ATXN10: variants seen among roughly 807,000 people sequenced by gnomAD.
ATXN10 encodes ataxin 10.
A neutral mutation model predicts 52.9 loss-of-function variants in ATXN10; 28 were observed. That is an observed-to-expected ratio of 0.53 (90% CI 0.39 to 0.73). The LOEUF is 0.73. Among genes scored for constraint, ATXN10 ranks in the 30% least tolerant of loss-of-function variants. The probability of loss-of-function intolerance (pLI) is 0.00; values close to 1 mark genes in which losing one functional copy is unlikely to be tolerated. For synonymous variants in ATXN10, 226 were observed against 221.5 expected (o/e 1.02, Z -0.18); for missense variants, 565 against 577.0 (o/e 0.98, Z 0.21).
chr22:45,716,295 TAGAGG>T (rs1924441721), intron 5 of ATXN10, among the ~76,000 whole-genome samples: 1 of 150,188 alleles, frequency 6.7e-6, no homozygotes, highest in South Asian at 2.1e-4. Flanking sequence ...AAGCGGCGCT[TAGAGG>T]AGAGCTTATT....
intron 9 of ATXN10, among the ~76,000 whole-genome samples, chr22:45,800,097 A>G (rs1176145967): frequency 6.6e-6 from 1 of 152,264 alleles, no homozygotes; most frequent in Non-Finnish European, 1.5e-5. Context: ...AATATAAAAA[A>G]TACCATGAAA....
At chr22:45,771,024 G>T (rs1452417669) in intron 9 of ATXN10, among the ~76,000 whole-genome samples, 2 of 152,164 alleles carry the variant, frequency 1.3e-5, no homozygotes, top group African/African-American at 2.4e-5. Flanking sequence ...AAATGGTACA[G>T]CCACTACACC....
In ATXN10 at chr22:45,712,890, G is replaced by A. The variant is rs1924304564; in HGVS notation, c.648-5523G>A. On this transcript the variant is annotated intron_variant, in intron 5 of 11. Transcript: ENST00000252934. This position sits in a 1 kb window ranked among gnomAD's most constrained non-coding sequence, Gnocchi z 4.6. Reference sequence around the variant, plus strand: ...AAATTGCTGTGTTAAGCAACTGTGGGTTAGATTTCCCAGATCTCACAACAA... The same window carrying A: ...AAATTGCTGTGTTAAGCAACTGTGGATTAGATTTCCCAGATCTCACAACAA... Among the ~76,000 whole-genome samples, 1 of 152,154 alleles carries A rather than the reference G, an allele frequency of 6.6e-6. No individual in the cohort carries two copies. The highest frequency in any genetic ancestry group is 2.4e-5 in the African/African-American group (1 of 41,432).
chr22:45,799,913 A>G (rs1175220636), intron 9 of ATXN10, among the ~76,000 whole-genome samples: 2 of 152,168 alleles, frequency 1.3e-5, no homozygotes, highest in South Asian at 2.1e-4. Flanking sequence ...GAAAAGATAT[A>G]TTTTTCAACA....
At chr22:45,734,347 T>A (rs1267207156) in intron 7 of ATXN10, 1 of 231,104 alleles carries the variant, frequency 4.3e-6, no homozygotes, top group Non-Finnish European at 9.4e-6. Context: ...ATTAGGTTAC[T>A]CTTTAAAATG....
chr22:45,750,169 C>T lies in ATXN10; in HGVS notation c.1173+9631C>T, dbSNP rs933190043. On this transcript the variant is annotated intron_variant, in intron 9 of 11. Coordinates refer to ENST00000252934, the MANE Select transcript of ATXN10 (RefSeq NM_013236.4). The surrounding 1 kb of genome is among the most constrained non-coding windows in gnomAD (Gnocchi z 4.2). Reference sequence around the variant, plus strand: ...CCAGGCTGGAGTGCAGTGGTGTGATCACAGCTCACCGCAGTTCTGTGCTCA... The same window carrying T: ...CCAGGCTGGAGTGCAGTGGTGTGATTACAGCTCACCGCAGTTCTGTGCTCA... Among the ~76,000 whole-genome samples the T allele has an allele frequency of 2.6e-5, 4 of 152,054 alleles. No individual in the cohort carries two copies. The highest frequency in any genetic ancestry group is 9.7e-5 in the African/African-American group (4 of 41,388).
chr22:45,807,994 T>A (rs1356799005), intron 10 of ATXN10, among the ~76,000 whole-genome samples: 1 of 152,234 alleles, frequency 6.6e-6, no homozygotes, highest in African/African-American at 2.4e-5. Context: ...GAGCGATGCT[T>A]ATTATTTGTG....
At position 45,693,629 on chromosome 22, in the gene ATXN10, C is replaced by T. The variant is rs1448968258; in HGVS notation, c.391+551C>T. Among the ~76,000 whole-genome samples, 6 of 152,240 alleles carry T rather than the reference C, an allele frequency of 3.9e-5. No homozygotes were observed. In the South Asian group the frequency reaches 8.3e-4, roughly 21 times the overall value. The stretch of plus-strand genomic sequence containing the variant: ...GGATTAGATTTCAGCATAGGAATTT[C>T]GGAGGGGCACAGATATTCAGATCAT... On this transcript the variant is annotated intron_variant, in intron 3 of 11. Coordinates refer to ENST00000252934, the MANE Select transcript of ATXN10 (RefSeq NM_013236.4).
rs988315099 is a variant in ATXN10 at position 45,823,450 on chromosome 22, G to A, written c.1237+16428G>A. On this transcript the variant is annotated intron_variant, in intron 10 of 11. Transcript: ENST00000252934. The surrounding 1 kb of genome is among the most constrained non-coding windows in gnomAD (Gnocchi z 4.9). ...TCTGTCTTTTTTTAATTTCCCCTGC[G>A]ATTATGCAGTTGTTTCCGTTTCAGT... is the stretch of plus-strand genomic sequence containing the variant. Among the ~76,000 whole-genome samples the A allele has an allele frequency of 3.3e-5, 5 of 151,926 alleles. No homozygotes were observed. Among genetic ancestry groups the A allele is most frequent in the African/African-American group, 1.2e-4 (5 of 41,342 alleles).
intron 10 of ATXN10, among the ~76,000 whole-genome samples, chr22:45,822,236 G>C (rs1928672754): frequency 6.6e-6 from 1 of 152,086 alleles, no homozygotes; most frequent in Non-Finnish European, 1.5e-5. Context: ...TCCACTTTGG[G>C]GCTATTACAG....
chr22:45,807,974 T>C lies in ATXN10; in HGVS notation c.1237+952T>C, dbSNP rs145107759. Among the ~76,000 whole-genome samples, 453 of 152,326 alleles carry C rather than the reference T, an allele frequency of 3.0e-3. 3 individuals are homozygous for C. The highest frequency in any genetic ancestry group is 0.01 in the African/African-American group (430 of 41,574). Reference sequence around the variant, plus strand: ...CTGATGAAAATCATGTGTTTCAAAGTAAGTAGACTGAGCGATGCTTATTAT... The same window carrying C: ...CTGATGAAAATCATGTGTTTCAAAGCAAGTAGACTGAGCGATGCTTATTAT... On this transcript the variant is annotated intron_variant, in intron 10 of 11. Transcript: ENST00000252934.
intron 6 of ATXN10, among the ~76,000 whole-genome samples, chr22:45,725,726 C>T (rs1331406360): frequency 6.6e-6 from 1 of 152,106 alleles, no homozygotes; most frequent in Non-Finnish European, 1.5e-5. Flanking sequence ...TGAAAGTGGA[C>T]ATCCTTGTCT....
chr22:45,697,315 A>G (rs1174319885), intron 3 of ATXN10, among the ~76,000 whole-genome samples: 1 of 151,786 alleles, frequency 6.6e-6, no homozygotes, highest in South Asian at 2.1e-4. Flanking sequence ...TTGTATTTTT[A>G]GTAGAGATGG....
chr22:45,815,110 GTAGT>G (rs758847049), intron 10 of ATXN10, among the ~76,000 whole-genome samples: 5 of 152,182 alleles, frequency 3.3e-5, no homozygotes, highest in Non-Finnish European at 7.3e-5. Context: ...AGTGGAATAG[GTAGT>G]TAAATTGTGG....
Position 45,843,800 on chromosome 22 carries a change from T to A in ATXN10, c.*129T>A. The A allele has an allele frequency of 1.1e-6, 1 of 877,716 alleles. No individual in the cohort carries two copies. Among genetic ancestry groups the A allele is most frequent in the Non-Finnish European group, 1.8e-6 (1 of 544,872 alleles). 54.4% of individuals were successfully genotyped at this position (877,716 alleles called of 1,614,324 possible). ...TTTGGGAACATACAAATCTTTTAGGTAGTAGAGTTTAACGTGTATAAGCTA... is the reference window on the plus strand; with the variant it reads ...TTTGGGAACATACAAATCTTTTAGGAAGTAGAGTTTAACGTGTATAAGCTA... On this transcript the variant is annotated 3_prime_UTR_variant, in exon 12 of 12. Coordinates refer to ENST00000252934, the MANE Select transcript of ATXN10 (RefSeq NM_013236.4). This position sits in a 1 kb window ranked among gnomAD's most constrained non-coding sequence, Gnocchi z 4.5.
chr22:45,685,218 C>G (rs1923088860), intron 1 of ATXN10, among the ~76,000 whole-genome samples: 1 of 151,678 alleles, frequency 6.6e-6, no homozygotes. Flanking sequence ...TTTAATTTTA[C>G]TCAAACAGAA....
In ATXN10 at chr22:45,842,604, TA is replaced by T. The variant is rs1929383251; in HGVS notation, c.1238-385del. On this transcript the variant is annotated intron_variant, in intron 10 of 11. Transcript: ENST00000252934. The surrounding 1 kb of genome is among the most constrained non-coding windows in gnomAD (Gnocchi z 4.8). Reference sequence around the variant, plus strand: ...TTCTTTCCCTAGTGAGTCAGTAACATAATTATTCAACAAAGGAATGTGTGTG... The same window carrying T: ...TTCTTTCCCTAGTGAGTCAGTAACATATTATTCAACAAAGGAATGTGTGTG... Among the ~76,000 whole-genome samples, 1 of 152,210 alleles carries T rather than the reference TA, an allele frequency of 6.6e-6. No homozygotes were observed. Among genetic ancestry groups the T allele is most frequent in the Admixed American group, 6.5e-5 (1 of 15,290 alleles).
chr22:45,726,249 T>C (rs1924864377), intron 6 of ATXN10, among the ~76,000 whole-genome samples: 1 of 152,204 alleles, frequency 6.6e-6, no homozygotes. Context: ...TGCCAATTCT[T>C]TGAATGTCTG....
intron 9 of ATXN10, among the ~76,000 whole-genome samples, chr22:45,778,578 G>A (rs1927041100): frequency 6.6e-6 from 1 of 152,168 alleles, no homozygotes; most frequent in Non-Finnish European, 1.5e-5. Flanking sequence ...TACTATTCTT[G>A]AGGTTTTTAC....
Sources: gnomAD v4.1 joint callset for allele counts (sites outside exome capture counted in the v4.1 genomes callset) on GRCh38, gnomAD v4.1.1 for gene constraint, Gnocchi (gnomAD v3.1) non-coding constraint, MANE v1.5 for transcripts, NCBI Gene and HGNC (gene_info 2026-07-23, HGNC 2026-07-21) for gene names.